FBXL20: variants seen among roughly 807,000 people sequenced by gnomAD.
FBXL20 encodes F-box/LRR-repeat protein 20.
Under a neutral mutation model 64.0 loss-of-function variants are expected in FBXL20, and 11 were observed. The ratio of observed to expected loss-of-function variants is 0.17; its 90% CI spans 0.11 to 0.28. The LOEUF is 0.28. Among genes scored for constraint, FBXL20 ranks in the 10% least tolerant of loss-of-function variants. The pLI is 1.00. For synonymous variants in FBXL20, 184 were observed against 189.0 expected (o/e 0.97, Z 0.22); for missense variants, 303 against 526.2 (o/e 0.58, Z 4.15).
At chr17:39,367,623 T>C (rs553698513) in intron 1 of FBXL20, among the ~76,000 whole-genome samples, 19 of 152,238 alleles carry the variant, frequency 1.2e-4, no homozygotes, top group East Asian at 7.7e-4. Flanking sequence ...AGTGAATCTT[T>C]AATTTGTTAA....
At chr17:39,397,649 A>G (rs2144689504) in intron 1 of FBXL20, among the ~76,000 whole-genome samples, 1 of 152,282 alleles carries the variant, frequency 6.6e-6, no homozygotes, top group South Asian at 2.1e-4. Flanking sequence ...AATGTCAGTT[A>G]TGGCACTTAA....
chr17:39,325,964 TG>T lies in FBXL20; in HGVS notation c.104+17215del, dbSNP rs1312106892. 3.9e-5 allele frequency among the ~76,000 whole-genome samples: 6 copies of T among 152,280 alleles called. No homozygotes were observed. The East Asian group carries it at 1.2e-3, about 29-fold the overall frequency. ...GGACCTAGTGAGAGGTATTAGATCATGGGGGCAGATCCCTCATGAATGGCTT... is the reference window on the plus strand; with the variant it reads ...GGACCTAGTGAGAGGTATTAGATCATGGGGCAGATCCCTCATGAATGGCTT... On this transcript the variant is annotated intron_variant, in intron 2 of 14. Transcript: ENST00000264658.
intron 6 of FBXL20, among the ~76,000 whole-genome samples, chr17:39,295,806 T>TATATATATATATA (rs202244214): frequency 4.0e-5 from 6 of 149,372 alleles, no homozygotes; most frequent in South Asian, 2.1e-4. Context: ...TATATATATA[T>TATATATATATATA]TAAGTCTTCT....
chr17:39,325,988 C>T (rs190215726), intron 2 of FBXL20, among the ~76,000 whole-genome samples: 44 of 152,224 alleles, frequency 2.9e-4, no homozygotes, highest in Admixed American at 2.6e-3. Flanking sequence ...TCATGAATGG[C>T]TTAGTACTAC....
At chr17:39,324,700 T>TA (rs1011856978) in intron 2 of FBXL20, among the ~76,000 whole-genome samples, 1 of 152,194 alleles carries the variant, frequency 6.6e-6, no homozygotes, top group African/African-American at 2.4e-5. Context: ...GCAGAACAAG[T>TA]AGACATTTCT....
intron 1 of FBXL20, among the ~76,000 whole-genome samples, chr17:39,385,226 AACACACACGCGCGTGCGTGC>A (rs1020172782): frequency 1.3e-5 from 2 of 151,962 alleles, no homozygotes; most frequent in African/African-American, 4.8e-5. Flanking sequence ...TGTCTCTAGA[AACACACACGCGCGTGCGTGC>A]ACACACACAC....
chr17:39,331,349 C>G (rs182063532), intron 2 of FBXL20, among the ~76,000 whole-genome samples: 104 of 152,310 alleles, frequency 6.8e-4, no homozygotes, highest in Non-Finnish European at 1.4e-3. Context: ...TTTCTGCCCG[C>G]CTCGGCCTCC....
chr17:39,361,126 G>T (rs1418956662), intron 1 of FBXL20, among the ~76,000 whole-genome samples: 1 of 152,084 alleles, frequency 6.6e-6, no homozygotes, highest in African/African-American at 2.4e-5. Flanking sequence ...AGTCAGGACA[G>T]CAAAGTCACC....
intron 4 of FBXL20, among the ~76,000 whole-genome samples, chr17:39,300,650 G>A (rs2047125619): frequency 6.6e-6 from 1 of 152,058 alleles, no homozygotes; most frequent in South Asian, 2.1e-4. Context: ...ATCCCAACAA[G>A]TTATAACTCT....
At chr17:39,358,191 C>T (rs752599908) in intron 1 of FBXL20, among the ~76,000 whole-genome samples, 2 of 152,154 alleles carry the variant, frequency 1.3e-5, no homozygotes, top group Non-Finnish European at 2.9e-5. Context: ...CAAGGAGAGG[C>T]AGTATTCTCC....
chr17:39,384,524 A>AAAAT (rs1188290886), intron 1 of FBXL20, among the ~76,000 whole-genome samples: 2 of 151,610 alleles, frequency 1.3e-5, no homozygotes, highest in Admixed American at 1.3e-4. Context: ...AGTCCATCTC[A>AAAAT]AAATAAATAA....
intron 12 of FBXL20, among the ~76,000 whole-genome samples, chr17:39,267,901 GTTA>G (rs1233800731): frequency 6.6e-6 from 1 of 152,144 alleles, no homozygotes; most frequent in African/African-American, 2.4e-5. Flanking sequence ...ACTAACAGCT[GTTA>G]AGTAGTGCCT....
chr17:39,294,636 T>C (rs1366386560), intron 6 of FBXL20, among the ~76,000 whole-genome samples: 3 of 152,190 alleles, frequency 2.0e-5, no homozygotes, highest in Non-Finnish European at 4.4e-5. Context: ...ATTTTTAAAT[T>C]CACTAAAATG....
intron 1 of FBXL20, 34 bp from the exon 2 acceptor site, chr17:39,343,275 T>C: frequency 6.8e-7 from 1 of 1,472,348 alleles, no homozygotes. Context: ...CAAGTGTTAC[T>C]TAACATTTTA....
chr17:39,260,501 CA>C lies in FBXL20; in HGVS notation c.*958del, dbSNP rs1415533674. The C allele has an allele frequency of 1.3e-5, 2 of 152,150 alleles. No individual in the cohort carries two copies. Among genetic ancestry groups the C allele is most frequent in the African/African-American group, 4.8e-5 (2 of 41,366 alleles). The allele number at this position is 152,150 out of a possible 1,614,324, so 9.4% of individuals were successfully genotyped here. ...ACCAAAAGGTAGCATCTGTTTTCAT[CA>C]AAACAGTTTCTTCTCATAACTTTTC... On this transcript the variant is annotated 3_prime_UTR_variant, in exon 15 of 15. Transcript: ENST00000264658.
chr17:39,308,078 A>G (rs2047198845), intron 2 of FBXL20, among the ~76,000 whole-genome samples: 1 of 151,806 alleles, frequency 6.6e-6, no homozygotes, highest in Middle Eastern at 3.4e-3. Flanking sequence ...TCACACCTAT[A>G]TATAATCCTA....
chr17:39,396,633 A>T (rs1267096044), intron 1 of FBXL20, among the ~76,000 whole-genome samples: 1 of 150,682 alleles, frequency 6.6e-6, no homozygotes, highest in Non-Finnish European at 1.5e-5. Context: ...CCAAAGTTAC[A>T]GTTAGTTGCT....
At chr17:39,341,032 T>C (rs2047578219) in intron 2 of FBXL20, among the ~76,000 whole-genome samples, 1 of 150,960 alleles carries the variant, frequency 6.6e-6, no homozygotes, top group Admixed American at 6.7e-5. Flanking sequence ...CAAGGTTTCA[T>C]CATGGGGTTT....
In FBXL20 at chr17:39,359,403, T is replaced by C. The variant is rs185316094; in HGVS notation, c.43-16162A>G. ...ACTTTGGGAGGCCAAGGCGGGCAGA[T>C]CATGATGTCAGGAGTTCAAGACCAG... On this transcript the variant is annotated intron_variant, in intron 1 of 14. Transcript: ENST00000264658. Among the ~76,000 whole-genome samples, 630 of 151,958 alleles carry C rather than the reference T, an allele frequency of 4.1e-3. 5 individuals are homozygous for C. Among genetic ancestry groups the C allele is most frequent in the Non-Finnish European group, 4.6e-3 (310 of 67,978 alleles).
Sources: allele counts gnomAD v4.1 joint callset (sites outside exome capture counted in the v4.1 genomes callset), GRCh38; gene constraint gnomAD v4.1.1; transcripts MANE v1.5; gene names NCBI Gene and HGNC (gene_info 2026-07-23, HGNC 2026-07-21).